The following HTR1F variants were observed in gnomAD, a reference collection of about 807,000 sequenced individuals.
HTR1F encodes the protein 5-hydroxytryptamine receptor 1F, also known as 5-hydroxytryptamine (serotonin) receptor 1F, G protein-coupled.
Under a neutral mutation model 24.0 loss-of-function variants are expected in HTR1F, and 17 were observed. The observed-to-expected ratio is 0.71, with a 90% CI of 0.48 to 1.06. HTR1F has a LOEUF of 1.06. HTR1F is among the 50% of genes least tolerant of loss of function. The probability of loss-of-function intolerance (pLI) is 0.00; values close to 1 mark genes in which losing one functional copy is unlikely to be tolerated. For missense variants in HTR1F, 391 were observed against 427.8 expected, an observed-to-expected ratio of 0.91 and a Z score of 0.76; for synonymous variants, 186 against 156.8, an observed-to-expected ratio of 1.19 and a Z score of -1.39.
At chr3:87,875,044 T>C (rs1236365551) in intron 2 of HTR1F, among the ~76,000 whole-genome samples, 1 of 152,134 alleles carries the variant, frequency 6.6e-6, no homozygotes, top group Non-Finnish European at 1.5e-5. Flanking sequence ...GAAGAAAACA[T>C]AGGAAAGAAG....
At chr3:87,916,542 T>C (rs552825193) in intron 2 of HTR1F, among the ~76,000 whole-genome samples, 2 of 151,978 alleles carry the variant, frequency 1.3e-5, no homozygotes, top group East Asian at 3.9e-4. Flanking sequence ...AAAAACACAT[T>C]TCATGGACAT....
At chr3:87,936,315 T>C (rs572271128) in intron 2 of HTR1F, among the ~76,000 whole-genome samples, 2 of 152,342 alleles carry the variant, frequency 1.3e-5, no homozygotes, top group East Asian at 1.9e-4. Context: ...TTTTTAAATA[T>C]AGGAAGTTAA....
chr3:87,834,919 A>G (rs1275029089), intron 2 of HTR1F, among the ~76,000 whole-genome samples: 1 of 152,192 alleles, frequency 6.6e-6, no homozygotes, highest in East Asian at 1.9e-4. Flanking sequence ...AACAGAGACC[A>G]TATGGCCTGC....
intron 2 of HTR1F, among the ~76,000 whole-genome samples, chr3:87,973,053 C>T (rs1705319390): frequency 6.6e-6 from 1 of 151,710 alleles, no homozygotes. Flanking sequence ...CACCTGTAAT[C>T]CCAGCTACTC....
At chr3:87,808,608 C>CT (rs1185515451) in intron 1 of HTR1F, among the ~76,000 whole-genome samples, 4 of 151,654 alleles carry the variant, frequency 2.6e-5, no homozygotes, top group African/African-American at 9.7e-5. Flanking sequence ...TTTGCCTCTA[C>CT]TTTAATTCTG....
intron 1 of HTR1F, among the ~76,000 whole-genome samples, chr3:87,801,283 A>G (rs1384751588): frequency 2.0e-5 from 3 of 152,204 alleles, no homozygotes; most frequent in Non-Finnish European, 1.5e-5. Flanking sequence ...TTATCTCCTC[A>G]TCTTATACCT....
intron 1 of HTR1F, among the ~76,000 whole-genome samples, chr3:87,811,859 G>A (rs1159885319): frequency 5.9e-5 from 9 of 152,178 alleles, no homozygotes; most frequent in Non-Finnish European, 1.3e-4. Context: ...TGTGGAGAGA[G>A]GGAGGTGTTT....
At chr3:87,905,665 A>G (rs1248591324) in intron 2 of HTR1F, among the ~76,000 whole-genome samples, 3 of 151,928 alleles carry the variant, frequency 2.0e-5, no homozygotes, top group African/African-American at 7.3e-5. Flanking sequence ...TTTTGTGTGA[A>G]TGTGAGAGCA....
At chr3:87,863,969 C>T (rs1219000599) in intron 2 of HTR1F, among the ~76,000 whole-genome samples, 3 of 152,158 alleles carry the variant, frequency 2.0e-5, no homozygotes, top group Non-Finnish European at 2.9e-5. Flanking sequence ...TTTCTAATGT[C>T]TAGAAGCTGC....
At chr3:87,918,031 G>A (rs1703933743) in intron 2 of HTR1F, among the ~76,000 whole-genome samples, 1 of 151,790 alleles carries the variant, frequency 6.6e-6, no homozygotes, top group South Asian at 2.1e-4. Context: ...ACGAACAAGA[G>A]GGTTTTATAC....
intron 2 of HTR1F, among the ~76,000 whole-genome samples, chr3:87,908,279 A>G (rs1311147423): frequency 6.6e-6 from 1 of 152,014 alleles, no homozygotes; most frequent in Non-Finnish European, 1.5e-5. Context: ...AAAGAAGTAG[A>G]TTGATATCAC....
In HTR1F at chr3:87,814,047, C is replaced by A. The variant is rs76129024; in HGVS notation, c.-159-7961C>A. On this transcript the variant is annotated intron_variant, in intron 1 of 2. Transcript: ENST00000319595. The stretch of plus-strand genomic sequence containing the variant: ...AGCATTTTTAAAAGTGGTTACTAGG[C>A]TATATAAGGCTATATAAGACCTAAT... 3.3e-4 allele frequency among the ~76,000 whole-genome samples: 50 copies of A among 152,136 alleles called. No homozygotes were observed. In the East Asian group the frequency reaches 8.9e-3, roughly 27 times the overall value.
In HTR1F at chr3:87,991,786, T is replaced by G. The variant is rs750258109; in HGVS notation, c.1037T>G (p.Ile346Ser). 1.2e-6 allele frequency: 2 copies of G among 1,609,624 alleles called. No homozygotes were observed. Among genetic ancestry groups the G allele is most frequent in the South Asian group, 2.2e-5 (2 of 89,810 alleles). ...GYLNSLINPL[I>S]YTIFNEDFKK... The stretch of plus-strand genomic sequence containing the variant: ...CTCAATTCCCTTATAAATCCACTGA[T>G]TTACACAATCTTTAATGAAGACTTC... The change falls in exon 3 of 3, where the codon ATT becomes AGT. Residue 346 changes from isoleucine to serine, a missense_variant. Transcript: ENST00000319595.
chr3:87,957,403 G>A (rs1177144093), intron 2 of HTR1F, among the ~76,000 whole-genome samples: 1 of 151,234 alleles, frequency 6.6e-6, no homozygotes, highest in African/African-American at 2.4e-5. Context: ...GAGAGAGTGG[G>A]TCTTTTTCTG....
At chr3:87,913,950 A>G (rs1344225270) in intron 2 of HTR1F, among the ~76,000 whole-genome samples, 1 of 152,096 alleles carries the variant, frequency 6.6e-6, no homozygotes. Flanking sequence ...GCTCCACAAC[A>G]ACTGAAGGAA....
At chr3:87,831,724 C>G (rs1182556164) in intron 2 of HTR1F, among the ~76,000 whole-genome samples, 2 of 152,110 alleles carry the variant, frequency 1.3e-5, no homozygotes, top group Admixed American at 1.3e-4. Flanking sequence ...ATTATTATCC[C>G]AGAAATCTTA....
chr3:87,936,899 C>A (rs901807910), intron 2 of HTR1F, among the ~76,000 whole-genome samples: 1 of 142,500 alleles, frequency 7.0e-6, no homozygotes, highest in Non-Finnish European at 1.5e-5. Context: ...AATTCCTAGA[C>A]TCTACACCAT....
chr3:87,867,296 G>T (rs1705450526), intron 2 of HTR1F, among the ~76,000 whole-genome samples: 1 of 151,608 alleles, frequency 6.6e-6, no homozygotes, highest in Non-Finnish European at 1.5e-5. Context: ...GAACATAGAG[G>T]CATCAAACTT....
At chr3:87,838,421 A>T (rs900966924) in intron 2 of HTR1F, among the ~76,000 whole-genome samples, 1 of 152,112 alleles carries the variant, frequency 6.6e-6, no homozygotes, top group East Asian at 1.9e-4. Context: ...TTTTCTGCTC[A>T]TAATCACCAC....
Sources: gnomAD v4.1 joint callset for allele counts (sites outside exome capture counted in the v4.1 genomes callset) on GRCh38, gnomAD v4.1.1 for gene constraint, MANE v1.5 for transcripts, NCBI Gene and HGNC (gene_info 2026-07-23, HGNC 2026-07-21) for gene names.